The following CCSER1 variants were observed in gnomAD, a reference collection of about 807,000 sequenced individuals.
CCSER1 encodes the protein coiled-coil serine rich protein 1.
Under a neutral mutation model 82.0 loss-of-function variants are expected in CCSER1, and 41 were observed. The ratio of observed to expected loss-of-function variants is 0.50; its 90% CI spans 0.39 to 0.65. The LOEUF is 0.65. Among genes scored for constraint, CCSER1 ranks in the 30% least tolerant of loss-of-function variants. CCSER1 has a pLI of 0.00. For missense variants in CCSER1, 1,119 were observed against 1,064.2 expected (o/e 1.05, Z -0.72); for synonymous variants, 414 against 383.9 (o/e 1.08, Z -0.92).
intron 9 of CCSER1, among the ~76,000 whole-genome samples, chr4:91,034,884 T>C (rs1363129918): frequency 1.3e-5 from 2 of 152,136 alleles, no homozygotes; most frequent in African/African-American, 4.8e-5. Context: ...AAATCTATAC[T>C]GGGATTAAAA....
At chr4:90,249,612 G>A (rs185247847) in intron 1 of CCSER1, among the ~76,000 whole-genome samples, 1 of 151,954 alleles carries the variant, frequency 6.6e-6, no homozygotes, top group African/African-American at 2.4e-5. Flanking sequence ...TTTGTGACTG[G>A]CTCCTTTCAC....
intron 5 of CCSER1, among the ~76,000 whole-genome samples, chr4:90,627,804 C>T (rs1723584993): frequency 6.6e-6 from 1 of 151,900 alleles, no homozygotes; most frequent in African/African-American, 2.4e-5. Context: ...CATAGTGAAA[C>T]CCCATCTCTA....
At chr4:91,123,642 T>A (rs776252485) in intron 10 of CCSER1, among the ~76,000 whole-genome samples, 45 of 151,876 alleles carry the variant, frequency 3.0e-4, no homozygotes, top group Middle Eastern at 3.4e-3. Flanking sequence ...TGGTTTCTTA[T>A]CACTTACCGC....
chr4:90,201,353 T>G (rs1197480666), intron 1 of CCSER1, among the ~76,000 whole-genome samples: 2 of 152,016 alleles, frequency 1.3e-5, no homozygotes, highest in African/African-American at 4.8e-5. Context: ...GAAAAGAAGG[T>G]AGCAAAGATA....
intron 6 of CCSER1, chr4:90,649,496 C>T (rs542982411): frequency 2.0e-5 from 3 of 152,086 alleles, no homozygotes; most frequent in African/African-American, 7.2e-5. Flanking sequence ...GGAAGAGACA[C>T]CAAAGTTTTC....
chr4:91,203,199 G>C (rs1736070110), intron 10 of CCSER1, among the ~76,000 whole-genome samples: 2 of 151,908 alleles, frequency 1.3e-5, no homozygotes, highest in Non-Finnish European at 2.9e-5. Flanking sequence ...TAACTGGTGT[G>C]AGATGGTATC....
intron 10 of CCSER1, among the ~76,000 whole-genome samples, chr4:91,565,458 G>A (rs1379880134): frequency 6.6e-6 from 1 of 152,024 alleles, no homozygotes; most frequent in African/African-American, 2.4e-5. Flanking sequence ...AGTTTGATAA[G>A]AATAGTATTG....
At chr4:91,296,714 C>G (rs1411996776) in intron 10 of CCSER1, among the ~76,000 whole-genome samples, 1 of 150,414 alleles carries the variant, frequency 6.6e-6, no homozygotes, top group African/African-American at 2.4e-5. Context: ...ACTTTAAATA[C>G]TATCCCAGAC....
rs559731385 is a variant in CCSER1, at chr4:91,128,908, G to A, written c.2217+42914G>A. 2.3e-4 allele frequency among the ~76,000 whole-genome samples: 35 copies of A among 152,190 alleles called. No individual in the cohort carries two copies. In the South Asian group the frequency reaches 6.8e-3, roughly 30 times the overall value. Reference sequence around the variant, plus strand: ...AATCTGAATAGTGTAATTTATTTATGCATCAACTAACAGAAGACCTAACTG... The same window carrying A: ...AATCTGAATAGTGTAATTTATTTATACATCAACTAACAGAAGACCTAACTG... On this transcript the variant is annotated intron_variant, in intron 10 of 10. Coordinates refer to ENST00000509176, the MANE Select transcript of CCSER1 (RefSeq NM_001145065.2).
intron 10 of CCSER1, among the ~76,000 whole-genome samples, chr4:91,449,302 C>A (rs950443087): frequency 2.0e-5 from 3 of 151,838 alleles, no homozygotes; most frequent in South Asian, 2.1e-4. Context: ...ATAAAGATTT[C>A]ATTGAGTAAA....
chr4:90,409,873 A>G (rs1290439777), intron 4 of CCSER1, among the ~76,000 whole-genome samples: 1 of 152,212 alleles, frequency 6.6e-6, no homozygotes, highest in Admixed American at 6.5e-5. Context: ...TGTGTGCTGT[A>G]TTCAGGAAAC....
In CCSER1 at chr4:90,471,842, T is replaced by G. The variant is rs550271735; in HGVS notation, c.1724+3488T>G. On this transcript the variant is annotated intron_variant, in intron 5 of 10. Coordinates refer to ENST00000509176, the MANE Select transcript of CCSER1 (RefSeq NM_001145065.2). ...ATACAAAAAAATTAGCCAGGCATGG[T>G]GGCAGTCACCTGTAATCCCAGCTAC... Among the ~76,000 whole-genome samples, 3 of 152,094 alleles carry G rather than the reference T, an allele frequency of 2.0e-5. No individual in the cohort carries two copies. In the South Asian group the frequency reaches 6.2e-4, roughly 32 times the overall value.
Position 91,183,015 on chromosome 4 carries a change from A to T in CCSER1, c.2217+97021A>T, listed in dbSNP as rs140789679. On this transcript the variant is annotated intron_variant, in intron 10 of 10. Coordinates refer to ENST00000509176, the MANE Select transcript of CCSER1 (RefSeq NM_001145065.2). ...AAATTGTGAAAGTGTCTAGCATTAG[A>T]TATTGCATTAGCAACTAGGTGGTCA... Among the ~76,000 whole-genome samples the T allele has an allele frequency of 5.8e-3, 880 of 152,342 alleles. 12 individuals carry two copies. The highest frequency in any genetic ancestry group is 0.02 in the African/African-American group (822 of 41,574).
At chr4:91,183,898 G>GA (rs1371674728) in intron 10 of CCSER1, among the ~76,000 whole-genome samples, 1 of 152,182 alleles carries the variant, frequency 6.6e-6, no homozygotes, top group Non-Finnish European at 1.5e-5. Flanking sequence ...GCATAGGCAG[G>GA]AATGCCTAGA....
chr4:90,732,054 T>TCC (rs1744846246), intron 7 of CCSER1, among the ~76,000 whole-genome samples: 10 of 151,340 alleles, frequency 6.6e-5, no homozygotes, highest in Admixed American at 6.6e-4. Flanking sequence ...TCTCTCTCTC[T>TCC]CTCTCTCACT....
intron 10 of CCSER1, among the ~76,000 whole-genome samples, chr4:91,239,304 G>T (rs903791245): frequency 1.8e-5 from 1 of 56,964 alleles, no homozygotes; most frequent in African/African-American, 7.4e-5. Context: ...TAGAATGTGC[G>T]AATTTAACTA....
At chr4:90,398,304 G>A (rs1303157715) in intron 3 of CCSER1, among the ~76,000 whole-genome samples, 1 of 152,100 alleles carries the variant, frequency 6.6e-6, no homozygotes, top group Non-Finnish European at 1.5e-5. Flanking sequence ...TAAGGTACTG[G>A]GGGTTAGGAT....
At chr4:91,565,027 TG>T (rs1313795493) in intron 10 of CCSER1, among the ~76,000 whole-genome samples, 4 of 186 alleles carry the variant, frequency 0.022, no homozygotes, top group African/African-American at 0.071. Context: ...CACCTTGAGT[TG>T]TGTGTGTGTG....
intron 7 of CCSER1, among the ~76,000 whole-genome samples, chr4:90,758,443 T>C (rs1430680069): frequency 6.6e-6 from 1 of 152,142 alleles, no homozygotes; most frequent in Non-Finnish European, 1.5e-5. Flanking sequence ...TGATTCAATA[T>C]ATATAAATAT....
Sources: gnomAD v4.1 joint callset for allele counts (sites outside exome capture counted in the v4.1 genomes callset) on GRCh38, gnomAD v4.1.1 for gene constraint, MANE v1.5 for transcripts, NCBI Gene and HGNC (gene_info 2026-07-23, HGNC 2026-07-21) for gene names.